Variants in KIF26B observed in about 807,000 individuals in gnomAD.
The protein encoded by KIF26B is kinesin-like protein KIF26B.
Under a neutral mutation model 151.2 loss-of-function variants are expected in KIF26B, and 63 were observed. The ratio of observed to expected loss-of-function variants is 0.42; its 90% CI spans 0.34 to 0.51. KIF26B has a LOEUF of 0.51. KIF26B is among the 20% of genes least tolerant of loss of function. The pLI is 0.07. For synonymous variants in KIF26B, 1,357 were observed against 1,262.1 expected (o/e 1.08, Z -1.59); for missense variants, 2,813 against 2,913.6 (o/e 0.97, Z 0.79).
intron 9 of KIF26B, among the ~76,000 whole-genome samples, chr1:245,627,913 C>A (rs1369179136): frequency 2.6e-5 from 4 of 152,158 alleles, no homozygotes; most frequent in Non-Finnish European, 5.9e-5. Context: ...CACATACACC[C>A]TCCCAAGACT....
intron 4 of KIF26B, among the ~76,000 whole-genome samples, chr1:245,443,137 A>G (rs1659154425): frequency 7.0e-6 from 1 of 141,960 alleles, no homozygotes; most frequent in African/African-American, 2.7e-5. Context: ...CTGTTCACCT[A>G]GAGCTGTCAT....
intron 4 of KIF26B, among the ~76,000 whole-genome samples, chr1:245,479,871 A>T (rs944632989): frequency 2.6e-5 from 4 of 151,886 alleles, no homozygotes; most frequent in African/African-American, 9.7e-5. Context: ...TTGAAAGGAC[A>T]CAGGCTTCTT....
chr1:245,534,161 CT>C (rs200739798), intron 4 of KIF26B, among the ~76,000 whole-genome samples: 1,989 of 145,238 alleles, frequency 0.014, 40 homozygotes, highest in African/African-American at 0.042. Context: ...TGTGGCACCA[CT>C]TTTTTTTTTT....
At chr1:245,499,064 CT>C (rs375306847) in intron 4 of KIF26B, among the ~76,000 whole-genome samples, 8 of 151,334 alleles carry the variant, frequency 5.3e-5, no homozygotes, top group African/African-American at 1.9e-4. Flanking sequence ...CTTGGATTGC[CT>C]TTTTTTTTAA....
In KIF26B at chr1:245,698,896, T is replaced by G; in HGVS notation, c.6037T>G (p.Cys2013Gly). Residue 2013 changes from cysteine (C) to glycine (G), a missense_variant, in exon 14 of 15, where the codon TGC becomes GGC. This residue lies in a region of KIF26B where 2,060 missense variants were observed against 2,088.6 expected (regional missense o/e 0.99). Transcript: ENST00000407071. This position sits in a 1 kb window ranked among gnomAD's most constrained non-coding sequence, Gnocchi z 4.0. The part of the protein sequence containing the change: ...RRGGASKEAM[C>G]FNAKLKILEH... ...TCTGTCTGTGTGCTAGGAGGCCATG[T>G]GCTTCAATGCAAAGCTGAAGATTCT... 1 of 1,613,796 alleles carries G rather than the reference T, an allele frequency of 6.2e-7. No homozygotes were observed. Among genetic ancestry groups the G allele is most frequent in the Non-Finnish European group, 8.5e-7 (1 of 1,179,746 alleles).
chr1:245,613,480 C>A (rs2043550465), intron 9 of KIF26B, among the ~76,000 whole-genome samples: 1 of 152,186 alleles, frequency 6.6e-6, no homozygotes, highest in Non-Finnish European at 1.5e-5. Context: ...GCACACACCT[C>A]CCAGCTAGTT....
chr1:245,452,247 T>G (rs925317215), intron 4 of KIF26B, among the ~76,000 whole-genome samples: 1 of 152,250 alleles, frequency 6.6e-6, no homozygotes, highest in Non-Finnish European at 1.5e-5. Context: ...ATCCATGTTG[T>G]AGTGTGCATC....
At chr1:245,486,629 C>T (rs986562088) in intron 4 of KIF26B, among the ~76,000 whole-genome samples, 5 of 152,082 alleles carry the variant, frequency 3.3e-5, no homozygotes, top group African/African-American at 1.2e-4. Flanking sequence ...AATGAAGGTT[C>T]AGCTTTATTT....
intron 4 of KIF26B, among the ~76,000 whole-genome samples, chr1:245,507,258 C>T (rs1168192366): frequency 3.3e-5 from 5 of 152,144 alleles, no homozygotes; most frequent in African/African-American, 1.2e-4. Context: ...ACCTGGCTTC[C>T]CTGGAAGCCA....
chr1:245,680,644 G>C (rs1420243241), intron 10 of KIF26B, among the ~76,000 whole-genome samples: 12 of 152,188 alleles, frequency 7.9e-5, no homozygotes, highest in Admixed American at 7.9e-4. Context: ...TGTGTGCAGT[G>C]GGTTAACAAG....
At chr1:245,379,949 C>T (rs539562459) in intron 3 of KIF26B, among the ~76,000 whole-genome samples, 11 of 146,634 alleles carry the variant, frequency 7.5e-5, no homozygotes, top group African/African-American at 1.5e-4. Context: ...CCAGCCTGGG[C>T]GACAGAGCAA....
At chr1:245,200,517 AT>A (rs1669278797) in intron 2 of KIF26B, among the ~76,000 whole-genome samples, 1 of 152,208 alleles carries the variant, frequency 6.6e-6, no homozygotes, top group African/African-American at 2.4e-5. Flanking sequence ...GTATATGGAA[AT>A]GTACATGTAT....
chr1:245,432,572 TA>T (rs1347397910), intron 4 of KIF26B, among the ~76,000 whole-genome samples: 1 of 152,256 alleles, frequency 6.6e-6, no homozygotes, highest in African/African-American at 2.4e-5. Flanking sequence ...TTCCCTTGAA[TA>T]AACTTCTTTG....
intron 4 of KIF26B, among the ~76,000 whole-genome samples, chr1:245,474,543 C>T (rs1372936288): frequency 2.7e-5 from 3 of 110,624 alleles, no homozygotes; most frequent in African/African-American, 9.2e-5. Flanking sequence ...TCCCGAGTAG[C>T]TGGAATTACA....
At chr1:245,249,640 G>A (rs1048684462) in intron 2 of KIF26B, among the ~76,000 whole-genome samples, 2 of 151,818 alleles carry the variant, frequency 1.3e-5, no homozygotes, top group Admixed American at 6.6e-5. Flanking sequence ...CCACCACCAC[G>A]CCTGGCTAAC....
At chr1:245,470,340 G>A (rs1437679576) in intron 4 of KIF26B, among the ~76,000 whole-genome samples, 6 of 152,186 alleles carry the variant, frequency 3.9e-5, no homozygotes. Flanking sequence ...AAAGAAAGCA[G>A]TGGATTCAAG....
At chr1:245,450,811 A>G (rs1319784350) in intron 4 of KIF26B, among the ~76,000 whole-genome samples, 1 of 152,242 alleles carries the variant, frequency 6.6e-6, no homozygotes, top group Non-Finnish European at 1.5e-5. Flanking sequence ...TAAAAAATAA[A>G]GAGATATAGT....
chr1:245,610,958 T>C (rs545409534), intron 8 of KIF26B, among the ~76,000 whole-genome samples: 1 of 152,364 alleles, frequency 6.6e-6, no homozygotes, highest in Admixed American at 6.5e-5. Flanking sequence ...ATTAGTTCTT[T>C]GAACAAATCA....
At chr1:245,562,099 C>A (rs559484810) in intron 5 of KIF26B, among the ~76,000 whole-genome samples, 2 of 152,076 alleles carry the variant, frequency 1.3e-5, no homozygotes, top group Non-Finnish European at 2.9e-5. Context: ...GTCCTCCAGC[C>A]GTACTTTGTC....
Sources: allele counts gnomAD v4.1 joint callset (sites outside exome capture counted in the v4.1 genomes callset), GRCh38; gene constraint gnomAD v4.1.1; regional missense constraint gnomAD v4.1.1; non-coding constraint Gnocchi (gnomAD v3.1); transcripts MANE v1.5; gene names NCBI Gene and HGNC (gene_info 2026-07-23, HGNC 2026-07-21).